Variants in KPNA4 observed in about 807,000 individuals in gnomAD.
KPNA4 encodes the protein importin subunit alpha-3.
Under a neutral mutation model 71.3 loss-of-function variants are expected in KPNA4, and 13 were observed. The observed-to-expected ratio is 0.18, with a 90% CI of 0.12 to 0.29. The LOEUF is 0.29. Among genes scored for constraint, KPNA4 ranks in the 10% least tolerant of loss-of-function variants. The pLI is 1.00. For synonymous variants in KPNA4, 189 were observed against 195.2 expected, an observed-to-expected ratio of 0.97 and a Z score of 0.26; for missense variants, 334 against 603.2, an observed-to-expected ratio of 0.55 and a Z score of 4.67.
At chr3:160,527,793 TTTA>T in intron 8 of KPNA4, among the ~76,000 whole-genome samples, 157 bp downstream of exon 8, 1 of 152,330 alleles carries the variant, frequency 6.6e-6, no homozygotes, top group Middle Eastern at 3.4e-3. Context: ...TTACTATGAC[TTTA>T]TGCTTTTACA....
intron 1 of KPNA4, among the ~76,000 whole-genome samples, chr3:160,550,564 C>T (rs781599803): frequency 1.3e-4 from 20 of 152,178 alleles, no homozygotes; most frequent in African/African-American, 2.4e-4. Context: ...CAGCACACAC[C>T]GCCACTGCCT....
chr3:160,520,657 T>C (rs967018282), intron 11 of KPNA4, among the ~76,000 whole-genome samples: 1 of 152,166 alleles, frequency 6.6e-6, no homozygotes, highest in Non-Finnish European at 1.5e-5. Context: ...TGTATCAGTA[T>C]CACCTGAAGA....
rs1439935206 is a variant in KPNA4 at position 160,501,544 on chromosome 3, A to C, written c.*560T>G. ...CCACGCTCTCGTACACAGTCACTCC[A>C]GGACTAGGAGTCTGCTTCATGAGTG... On this transcript the variant is annotated 3_prime_UTR_variant, in exon 17 of 17. Transcript: ENST00000334256. 3 of 152,654 alleles carry C rather than the reference A, an allele frequency of 2.0e-5. No individual in the cohort carries two copies. Among genetic ancestry groups the C allele is most frequent in the Non-Finnish European group, 1.5e-5 (1 of 68,044 alleles). The allele number at this position is 152,654 out of a possible 1,614,324, so 9.5% of individuals were successfully genotyped here. A position where few individuals can be genotyped will look rare whatever the true frequency, so the allele number is the denominator to read the frequency against.
Position 160,502,184 on chromosome 3 carries a change from G to A in KPNA4, c.1486C>T (p.Leu496Phe). The A allele has an allele frequency of 6.3e-7, 1 of 1,584,844 alleles. No individual in the cohort carries two copies. ...CCGCCTTGAATTGCCTCTGGAACAA[G>A]GCTAGGGTCTTCATCAATCTAGGTG... ...SSDDIDEDPS[L>F]VPEAIQGGTF... Residue 496 changes from leucine (L) to phenylalanine (F), a missense_variant, in exon 17 of 17, where the codon CTT becomes TTT. Coordinates refer to ENST00000334256, the MANE Select transcript of KPNA4 (RefSeq NM_002268.5).
chr3:160,555,712 T>G (rs1000050200), intron 1 of KPNA4, among the ~76,000 whole-genome samples: 1 of 152,194 alleles, frequency 6.6e-6, no homozygotes, highest in South Asian at 2.1e-4. Flanking sequence ...TGAACTATTA[T>G]ACTTCATTTT....
intron 3 of KPNA4, 23 bp from the exon 4 acceptor site, chr3:160,535,713 A>T (rs1721676004): frequency 6.4e-7 from 1 of 1,572,296 alleles, no homozygotes; most frequent in South Asian, 1.2e-5. Flanking sequence ...TTAAAGAGAA[A>T]ACTCAGTTAA....
intron 1 of KPNA4, among the ~76,000 whole-genome samples, chr3:160,545,813 G>A (rs1006109110): frequency 1.3e-5 from 2 of 152,106 alleles, no homozygotes; most frequent in African/African-American, 4.8e-5. Context: ...TAATGAGTCT[G>A]AATATATTTT....
chr3:160,521,994 G>T, intron 10 of KPNA4, 84 bp from the exon 11 acceptor site: 1 of 1,155,486 alleles, frequency 8.7e-7, no homozygotes, highest in Non-Finnish European at 1.2e-6. Context: ...TTCTAAAATT[G>T]TTCAACTACC....
chr3:160,523,765 C>T (rs1198728031), intron 10 of KPNA4, among the ~76,000 whole-genome samples: 9 of 151,938 alleles, frequency 5.9e-5, no homozygotes, highest in African/African-American at 1.7e-4. Context: ...GCAGGAGAAT[C>T]GCTGGAACCC....
Position 160,504,958 on chromosome 3 carries a change from A to T in KPNA4, c.1467T>A (p.Asp489Glu), listed in dbSNP as rs748187964. 26 of 1,412,812 alleles carry T rather than the reference A, an allele frequency of 1.8e-5. No homozygotes were observed. In the African/African-American group the frequency reaches 3.8e-4, roughly 21 times the overall value. The allele number at this position is 1,412,812 out of a possible 1,614,324, so 87.5% of individuals were successfully genotyped here. A position where few individuals can be genotyped will look rare whatever the true frequency, so the allele number is the denominator to read the frequency against. Reference sequence around the variant, plus strand: ...AGAAAACTACAAAATTATTAAATACATCATCTGAAGAGAAGAACTGATCAA... The same window carrying T: ...AGAAAACTACAAAATTATTAAATACTTCATCTGAAGAGAAGAACTGATCAA... The part of the protein sequence containing the change: ...EIIDQFFSSD[D>E]IDEDPSLVPE... Residue 489 changes from aspartate to glutamate, a missense_variant and splice_region_variant, in exon 16 of 17, where the codon GAT becomes GAA. Physicochemically the swap from Asp to Glu is conservative, Grantham distance 45 (BLOSUM62 2). Transcript: ENST00000334256.
At chr3:160,558,542 T>TTCAAACCCA (rs1270383704) in intron 1 of KPNA4, among the ~76,000 whole-genome samples, 1 of 152,180 alleles carries the variant, frequency 6.6e-6, no homozygotes, top group African/African-American at 2.4e-5. Context: ...CAGACCTAAG[T>TTCAAACCCA]GACTCTACAG....
At position 160,501,843 on chromosome 3, in the gene KPNA4, T is replaced by C. The variant is rs1310441138; in HGVS notation, c.*261A>G. On this transcript the variant is annotated 3_prime_UTR_variant, in exon 17 of 17. Coordinates refer to ENST00000334256, the MANE Select transcript of KPNA4 (RefSeq NM_002268.5). ...TTACTTTGAACAACCTAAATAAGCATTCATGTAAAGTTTTCATTACATTTT... is the reference window on the plus strand; with the variant it reads ...TTACTTTGAACAACCTAAATAAGCACTCATGTAAAGTTTTCATTACATTTT... 1 of 171,242 alleles carries C rather than the reference T, an allele frequency of 5.8e-6. No homozygotes were observed. The highest frequency in any genetic ancestry group is 6.3e-5 in the Admixed American group (1 of 15,898). 10.6% of individuals were successfully genotyped at this position (171,242 alleles called of 1,614,324 possible).
chr3:160,521,699 G>T, intron 11 of KPNA4, 80 bp downstream of exon 11: 2 of 1,276,906 alleles, frequency 1.6e-6, no homozygotes, highest in Non-Finnish European at 1.1e-6. Context: ...TTAAACTACT[G>T]AAATTGTCCA....
rs1303319782 is a variant in KPNA4, at chr3:160,538,123, G to A, written c.70-1283C>T. Among the ~76,000 whole-genome samples, 9 of 148,596 alleles carry A rather than the reference G, an allele frequency of 6.1e-5. No individual in the cohort carries two copies. In the Admixed American group the frequency reaches 6.1e-4, roughly 10 times the overall value. On this transcript the variant is annotated intron_variant, in intron 1 of 16. Transcript: ENST00000334256. ...ACACACACACACTATATATATATAT[G>A]TATATATATGTATGTATATATGTAT... is the stretch of plus-strand genomic sequence containing the variant.
At chr3:160,505,084 T>G in intron 15 of KPNA4, 32 bp from the exon 16 acceptor site, 1 of 1,205,064 alleles carries the variant, frequency 8.3e-7, no homozygotes. Context: ...GAAACAATAG[T>G]AATATTTAAA....
chr3:160,545,789 G>A (rs1025700419), intron 1 of KPNA4, among the ~76,000 whole-genome samples: 20 of 152,156 alleles, frequency 1.3e-4, no homozygotes, highest in Admixed American at 6.5e-5. Flanking sequence ...GGTCGCAGTG[G>A]GGATCATAAA....
At chr3:160,519,487 T>C (rs963843371) in intron 11 of KPNA4, among the ~76,000 whole-genome samples, 1 of 152,072 alleles carries the variant, frequency 6.6e-6, no homozygotes, top group Non-Finnish European at 1.5e-5. Flanking sequence ...ACTAGTGGTA[T>C]TGTGGTTATG....
intron 7 of KPNA4, 39 bp downstream of exon 7, chr3:160,530,816 A>T (rs778537548): frequency 2.1e-6 from 3 of 1,402,022 alleles, no homozygotes; most frequent in East Asian, 2.3e-5. Flanking sequence ...GACTTCTTTT[A>T]AAAAAAATCA....
chr3:160,530,249 A>C (rs1721546731), intron 7 of KPNA4, among the ~76,000 whole-genome samples: 1 of 151,874 alleles, frequency 6.6e-6, no homozygotes, highest in South Asian at 2.1e-4. Flanking sequence ...CAGGTTGATC[A>C]CTTGAGCCCA....
Sources: allele counts gnomAD v4.1 joint callset (sites outside exome capture counted in the v4.1 genomes callset), GRCh38; gene constraint gnomAD v4.1.1; transcripts MANE v1.5; gene names NCBI Gene and HGNC (gene_info 2026-07-23, HGNC 2026-07-21).